The following SNTG1 variants were observed in gnomAD, a reference collection of about 807,000 sequenced individuals.
The protein encoded by SNTG1 is gamma-1-syntrophin.
Under a neutral mutation model 74.7 loss-of-function variants are expected in SNTG1, and 39 were observed. That is an observed-to-expected ratio of 0.52 (90% CI 0.40 to 0.68). The LOEUF (loss-of-function observed/expected upper bound fraction) is 0.68, where lower values mean the gene tolerates loss of function less well. SNTG1 is among the 30% of genes least tolerant of loss of function. The pLI, the probability that SNTG1 is intolerant of heterozygous loss-of-function variation, is 0.00. For synonymous variants in SNTG1, 254 were observed against 217.1 expected (o/e 1.17, Z -1.49); for missense variants, 685 against 609.5 (o/e 1.12, Z -1.30).
chr8:50,695,676 AG>A (rs1292712122), intron 15 of SNTG1, among the ~76,000 whole-genome samples: 1 of 151,778 alleles, frequency 6.6e-6, no homozygotes, highest in East Asian at 1.9e-4. Flanking sequence ...CTATATGTCC[AG>A]GCTTACCCAT....
chr8:50,244,165 G>A (rs1011104402), intron 2 of SNTG1, among the ~76,000 whole-genome samples: 4 of 151,980 alleles, frequency 2.6e-5, no homozygotes, highest in Non-Finnish European at 4.4e-5. Flanking sequence ...GGGAAGGGGA[G>A]TACCATAATT....
At chr8:50,290,191 G>C (rs1334142539) in intron 2 of SNTG1, among the ~76,000 whole-genome samples, 4 of 152,070 alleles carry the variant, frequency 2.6e-5, no homozygotes, top group Non-Finnish European at 5.9e-5. Flanking sequence ...ACCCTCTTCT[G>C]TACCTAGGTT....
At chr8:50,172,847 G>GTAGT (rs1343125333) in intron 2 of SNTG1, among the ~76,000 whole-genome samples, 1 of 150,812 alleles carries the variant, frequency 6.6e-6, no homozygotes, top group East Asian at 1.9e-4. Flanking sequence ...ATGTTTAGTT[G>GTAGT]TAGTTACACA....
intron 1 of SNTG1, among the ~76,000 whole-genome samples, chr8:50,084,981 C>A (rs1185687430): frequency 8.9e-6 from 1 of 112,866 alleles, no homozygotes; most frequent in African/African-American, 3.1e-5. Flanking sequence ...TCTGTTATAG[C>A]AGCAGACAAG....
intron 15 of SNTG1, among the ~76,000 whole-genome samples, chr8:50,692,454 G>GTT (rs2095385339): frequency 1.3e-5 from 2 of 152,254 alleles, no homozygotes; most frequent in South Asian, 4.1e-4. Flanking sequence ...CTATTTGTTA[G>GTT]TTTTCCTTCC....
Position 50,462,277 on chromosome 8 carries a change from G to A in SNTG1, c.363+11548G>A, listed in dbSNP as rs973834530. Reference sequence around the variant, plus strand: ...TTTAAAATATACTATAGTCTATTATGCATGCAATAGGATTATTTCTTAAAA... The same window carrying A: ...TTTAAAATATACTATAGTCTATTATACATGCAATAGGATTATTTCTTAAAA... On this transcript the variant is annotated intron_variant, in intron 8 of 18. Coordinates refer to ENST00000642720, the MANE Select transcript of SNTG1 (RefSeq NM_018967.5). Among the ~76,000 whole-genome samples the A allele has an allele frequency of 4.0e-5, 6 of 149,426 alleles. 2 individuals carry two copies. The highest frequency in any genetic ancestry group is 7.4e-5 in the Non-Finnish European group (5 of 67,184).
chr8:50,760,278 G>C (rs1264768795), intron 18 of SNTG1, among the ~76,000 whole-genome samples: 3 of 152,062 alleles, frequency 2.0e-5, no homozygotes, highest in Non-Finnish European at 2.9e-5. Context: ...ATACAATCAT[G>C]TCATCTGCAA....
chr8:50,366,641 T>A (rs2092118025), intron 2 of SNTG1, among the ~76,000 whole-genome samples: 1 of 147,706 alleles, frequency 6.8e-6, no homozygotes, highest in African/African-American at 2.5e-5. Context: ...CTATATGATT[T>A]TATATATATA....
chr8:49,982,780 T>C (rs1366434943), intron 1 of SNTG1, among the ~76,000 whole-genome samples: 2 of 152,122 alleles, frequency 1.3e-5, no homozygotes, highest in Non-Finnish European at 2.9e-5. Context: ...TTTAGAAAAC[T>C]AATCAAGTGG....
intron 1 of SNTG1, among the ~76,000 whole-genome samples, chr8:50,024,109 A>C (rs1817057783): frequency 6.6e-6 from 1 of 152,196 alleles, no homozygotes. Flanking sequence ...TGGTTGAGGG[A>C]TCATACACAG....
At chr8:50,308,724 C>T (rs2089993926) in intron 2 of SNTG1, among the ~76,000 whole-genome samples, 1 of 152,068 alleles carries the variant, frequency 6.6e-6, no homozygotes, top group Non-Finnish European at 1.5e-5. Flanking sequence ...TTATTAAATG[C>T]TTAATAAAAT....
At chr8:50,000,312 A>G (rs1263138980) in intron 1 of SNTG1, among the ~76,000 whole-genome samples, 2 of 152,166 alleles carry the variant, frequency 1.3e-5, no homozygotes, top group Non-Finnish European at 2.9e-5. Flanking sequence ...AAGCAGAAGT[A>G]TCATCTAGTA....
chr8:50,348,763 T>A (rs1417668128), intron 2 of SNTG1, among the ~76,000 whole-genome samples: 1 of 152,226 alleles, frequency 6.6e-6, no homozygotes, highest in African/African-American at 2.4e-5. Context: ...CTTACACTGA[T>A]TTTTCCCCTT....
intron 1 of SNTG1, among the ~76,000 whole-genome samples, chr8:50,113,270 T>C (rs1018228355): frequency 1.3e-5 from 2 of 152,232 alleles, no homozygotes; most frequent in Admixed American, 6.5e-5. Flanking sequence ...TCTGCTTTTA[T>C]TTTGTTGAGC....
chr8:50,703,623 T>C (rs560952413), intron 15 of SNTG1, among the ~76,000 whole-genome samples: 12 of 152,116 alleles, frequency 7.9e-5, no homozygotes, highest in Non-Finnish European at 1.8e-4. Context: ...AGTAAATACA[T>C]AAACCAGTAA....
intron 2 of SNTG1, among the ~76,000 whole-genome samples, chr8:50,354,391 A>G (rs565006485): frequency 6.6e-6 from 1 of 152,308 alleles, no homozygotes; most frequent in African/African-American, 2.4e-5. Context: ...TACTCTATGT[A>G]AAGTATTTTT....
intron 17 of SNTG1, among the ~76,000 whole-genome samples, chr8:50,720,685 T>C (rs1197719021): frequency 6.6e-6 from 1 of 152,188 alleles, no homozygotes; most frequent in Non-Finnish European, 1.5e-5. Context: ...TTGCAAAGGA[T>C]AAAAGGTATG....
intron 8 of SNTG1, among the ~76,000 whole-genome samples, chr8:50,477,061 G>T (rs1458430152): frequency 2.0e-5 from 3 of 152,146 alleles, no homozygotes; most frequent in Non-Finnish European, 4.4e-5. Flanking sequence ...CGGTGACATA[G>T]ATGATTGAAT....
intron 1 of SNTG1, among the ~76,000 whole-genome samples, chr8:49,918,320 A>G (rs1806226858): frequency 6.6e-6 from 1 of 152,198 alleles, no homozygotes; most frequent in Non-Finnish European, 1.5e-5. Flanking sequence ...ATTACATAAT[A>G]TGTTTTATTC....
Sources: allele counts gnomAD v4.1 joint callset (sites outside exome capture counted in the v4.1 genomes callset), GRCh38; gene constraint gnomAD v4.1.1; transcripts MANE v1.5; gene names NCBI Gene and HGNC (gene_info 2026-07-23, HGNC 2026-07-21).